Variants in SOHLH2 observed in about 807,000 individuals in gnomAD.
SOHLH2 encodes spermatogenesis and oogenesis specific basic helix-loop-helix 2, also known as spermatogenesis- and oogenesis-specific basic helix-loop-helix-containing protein 2.
In SOHLH2, 22 loss-of-function variants were observed where a neutral mutation model predicts 50.4. That is an observed-to-expected ratio of 0.44 (90% CI 0.31 to 0.62). SOHLH2 has a LOEUF of 0.62. Among genes scored for constraint, SOHLH2 ranks in the 20% least tolerant of loss-of-function variants. The pLI, the probability that SOHLH2 is intolerant of heterozygous loss-of-function variation, is 0.08. For missense variants in SOHLH2, 412 were observed against 504.4 expected, an observed-to-expected ratio of 0.82 and a Z score of 1.76; for synonymous variants, 185 against 187.3, an observed-to-expected ratio of 0.99 and a Z score of 0.10.
rs567813173 is a variant in SOHLH2, at chr13:36,208,674, C to T, written c.48+5805G>A. Among the ~76,000 whole-genome samples, 3 of 152,192 alleles carry T rather than the reference C, an allele frequency of 2.0e-5. No individual in the cohort carries two copies. The South Asian group carries it at 6.2e-4, about 32-fold the overall frequency. On this transcript the variant is annotated intron_variant, in intron 1 of 10. Transcript: ENST00000379881. ...CTTAATTTTTTGTTTCTCTGAGTCT[C>T]ACAGTTTCTTGTATCTCATATTTGC...
At chr13:36,179,555 T>C (rs1185400742) in intron 6 of SOHLH2, among the ~76,000 whole-genome samples, 2 of 152,012 alleles carry the variant, frequency 1.3e-5, no homozygotes, top group African/African-American at 2.4e-5. Flanking sequence ...ATTACAGGTG[T>C]GTGCCACCAA....
At chr13:36,185,761 T>C (rs1371567480) in intron 6 of SOHLH2, among the ~76,000 whole-genome samples, 3 of 151,928 alleles carry the variant, frequency 2.0e-5, no homozygotes, top group Non-Finnish European at 4.4e-5. Flanking sequence ...TAAGATTAAA[T>C]GGACAAATTT....
intron 6 of SOHLH2, among the ~76,000 whole-genome samples, chr13:36,177,734 A>T (rs1887131276): frequency 6.6e-6 from 1 of 152,048 alleles, no homozygotes; most frequent in African/African-American, 2.4e-5. Flanking sequence ...GTCCATGCAG[A>T]TATTTTACCT....
intron 2 of SOHLH2, among the ~76,000 whole-genome samples, chr13:36,194,740 T>G (rs1003069664): frequency 6.6e-6 from 1 of 152,352 alleles, no homozygotes; most frequent in African/African-American, 2.4e-5. Flanking sequence ...AGAATGTGAC[T>G]GTGAAAGAGA....
chr13:36,201,958 C>T lies in SOHLH2; in HGVS notation c.184G>A (p.Asp62Asn). The T allele has an allele frequency of 1.2e-6, 2 of 1,614,204 alleles. No homozygotes were observed. Among genetic ancestry groups the T allele is most frequent in the Non-Finnish European group, 8.5e-7 (1 of 1,180,034 alleles). Residue 62 changes from aspartate (D) to asparagine (N), a missense_variant, in exon 2 of 11, where the codon GAT becomes AAT. Physicochemically the swap from Asp to Asn is conservative, Grantham distance 23. Coordinates refer to ENST00000379881, the MANE Select transcript of SOHLH2 (RefSeq NM_017826.3). ...AAGAGAACCATGTTGAATATGCAATCATCCAAAAGCGCTGCTGCCTCCTTC... is the reference window on the plus strand; with the variant it reads ...AAGAGAACCATGTTGAATATGCAATTATCCAAAAGCGCTGCTGCCTCCTTC... ...DTKEAAALLD[D>N]CIFNMVLLKV...
intron 6 of SOHLH2, among the ~76,000 whole-genome samples, chr13:36,180,214 T>C (rs753503518): frequency 1.3e-5 from 2 of 152,204 alleles, no homozygotes; most frequent in Non-Finnish European, 2.9e-5. Flanking sequence ...TTTAAATATT[T>C]AGAGTAGCTA....
chr13:36,202,175 T>G, intron 1 of SOHLH2, 82 bp from the exon 2 acceptor site: 6 of 1,518,560 alleles, frequency 4.0e-6, no homozygotes, highest in Non-Finnish European at 4.5e-6. Context: ...ATAAGATAAA[T>G]AAAGCTCACA....
chr13:36,195,585 G>C lies in SOHLH2; in HGVS notation c.264-1718C>G, dbSNP rs186983022. ...CACAATTACATTTGCATTTTAGAAA[G>C]ACCACTCTGCCTATGATGGGATGCG... On this transcript the variant is annotated intron_variant, in intron 2 of 10. Coordinates refer to ENST00000379881, the MANE Select transcript of SOHLH2 (RefSeq NM_017826.3). Among the ~76,000 whole-genome samples, 6 of 152,278 alleles carry C rather than the reference G, an allele frequency of 3.9e-5. No homozygotes were observed. The East Asian group carries it at 9.7e-4, about 25-fold the overall frequency.
intron 6 of SOHLH2, among the ~76,000 whole-genome samples, chr13:36,177,231 A>G (rs1009274618): frequency 1.3e-5 from 2 of 152,110 alleles, no homozygotes; most frequent in Non-Finnish European, 2.9e-5. Context: ...GGATTTATCT[A>G]TGGGGCTAAC....
chr13:36,202,017 T>C lies in SOHLH2; in HGVS notation c.125A>G (p.Asn42Ser), dbSNP rs775897709. Residue 42 changes from asparagine (N) to serine (S), a missense_variant, in exon 2 of 11, where the codon AAC (asparagine) becomes AGC (serine). Transcript: ENST00000379881. ...LADTVQKLFANIAEVTITISD... is the reference protein window; with the variant it reads ...LADTVQKLFASIAEVTITISD... The stretch of plus-strand genomic sequence containing the variant: ...GATGGTGATGGTGACTTCTGCTATG[T>C]TTGCAAATAGTTTCTGTACAGTATC... 6.2e-7 allele frequency: 1 copy of C among 1,614,230 alleles called. No individual in the cohort carries two copies. Among genetic ancestry groups the C allele is most frequent in the Non-Finnish European group, 8.5e-7 (1 of 1,180,036 alleles).
At chr13:36,212,285 T>A (rs1016420726) in intron 1 of SOHLH2, among the ~76,000 whole-genome samples, 5 of 152,158 alleles carry the variant, frequency 3.3e-5, no homozygotes, top group Non-Finnish European at 7.3e-5. Flanking sequence ...AAGAACTGAT[T>A]TGCTCTTTTG....
In SOHLH2 at chr13:36,204,161, G is replaced by A. The variant is rs930228180; in HGVS notation, c.49-2068C>T. Among the ~76,000 whole-genome samples, 3 of 151,908 alleles carry A rather than the reference G, an allele frequency of 2.0e-5. No individual in the cohort carries two copies. In the South Asian group the frequency reaches 6.2e-4, roughly 32 times the overall value. ...AGATGAGGTTTCACCATGTTGGCCAGGCTAGTCTCGAACTCCTGACCTCGG... is the reference window on the plus strand; with the variant it reads ...AGATGAGGTTTCACCATGTTGGCCAAGCTAGTCTCGAACTCCTGACCTCGG... On this transcript the variant is annotated intron_variant, in intron 1 of 10. Transcript: ENST00000379881.
At chr13:36,202,909 A>T (rs1389152736) in intron 1 of SOHLH2, among the ~76,000 whole-genome samples, 1 of 152,114 alleles carries the variant, frequency 6.6e-6, no homozygotes, top group Non-Finnish European at 1.5e-5. Context: ...CAAAGAAGCA[A>T]CTCCACAGGG....
At chr13:36,186,113 C>T (rs1887410594) in intron 6 of SOHLH2, among the ~76,000 whole-genome samples, 1 of 151,966 alleles carries the variant, frequency 6.6e-6, no homozygotes, top group Admixed American at 6.6e-5. Context: ...CAAAAATTAT[C>T]TACACCTTAA....
intron 2 of SOHLH2, among the ~76,000 whole-genome samples, chr13:36,197,922 A>G (rs185711661): frequency 1.3e-5 from 2 of 152,308 alleles, no homozygotes; most frequent in African/African-American, 2.4e-5. Context: ...AAAGCTACTT[A>G]GATGTTTTGC....
chr13:36,190,988 T>C (rs1887555529), intron 5 of SOHLH2, among the ~76,000 whole-genome samples: 1 of 152,206 alleles, frequency 6.6e-6, no homozygotes, highest in Non-Finnish European at 1.5e-5. Flanking sequence ...AGTGACTAAC[T>C]TAAAATTCTC....
chr13:36,212,306 C>T (rs1869173062), intron 1 of SOHLH2, among the ~76,000 whole-genome samples: 1 of 152,164 alleles, frequency 6.6e-6, no homozygotes, highest in African/African-American at 2.4e-5. Flanking sequence ...CCAAATGCTT[C>T]TTTCTCTGCT....
chr13:36,200,842 A>C lies in SOHLH2; in HGVS notation c.263+1037T>G, dbSNP rs1887880067. Among the ~76,000 whole-genome samples, 8 of 151,950 alleles carry C rather than the reference A, an allele frequency of 5.3e-5. No homozygotes were observed. In the South Asian group the frequency reaches 1.7e-3, roughly 31 times the overall value. On this transcript the variant is annotated intron_variant, in intron 2 of 10. Transcript: ENST00000379881. Reference sequence around the variant, plus strand: ...TAGGTGGGTGGATCACGAGGTCAGGAGTTTGAGACCAGCCTGACCAATATG... The same window carrying C: ...TAGGTGGGTGGATCACGAGGTCAGGCGTTTGAGACCAGCCTGACCAATATG...
rs745506483 is a variant in SOHLH2, at chr13:36,190,019, T to G, written c.568A>C (p.Asn190His). 1.2e-6 allele frequency: 2 copies of G among 1,608,436 alleles called. No homozygotes were observed. Among genetic ancestry groups the G allele is most frequent in the South Asian group, 1.1e-5 (1 of 90,168 alleles). ...TTCTCGAACTCTGACAACGAAGCAT[T>G]TAATTCAAGCCCATTGCCATTCCTT... ...SLRNGNGLEL[N>H]ASLSEFEKNK... The change falls in exon 6 of 11, where the codon AAT (asparagine) becomes CAT (histidine). Residue 190 changes from asparagine to histidine, a missense_variant. Transcript: ENST00000379881.
Sources: allele counts gnomAD v4.1 joint callset (sites outside exome capture counted in the v4.1 genomes callset), GRCh38; gene constraint gnomAD v4.1.1; transcripts MANE v1.5; gene names NCBI Gene and HGNC (gene_info 2026-07-23, HGNC 2026-07-21).